Variants in DNAJC1 observed in about 807,000 individuals in gnomAD.
DNAJC1 encodes the protein dnaJ homolog subfamily C member 1.
Under a neutral mutation model 76.6 loss-of-function variants are expected in DNAJC1, and 58 were observed. That is an observed-to-expected ratio of 0.76 (90% CI 0.61 to 0.94). DNAJC1 has a LOEUF of 0.94. DNAJC1 is among the 40% of genes least tolerant of loss of function. DNAJC1 has a pLI of 0.00. For missense variants in DNAJC1, 689 were observed against 677.3 expected (o/e 1.02, Z -0.19); for synonymous variants, 258 against 267.9 (o/e 0.96, Z 0.36).
At chr10:21,849,426 A>G in intron 8 of DNAJC1, among the ~76,000 whole-genome samples, 1 of 151,904 alleles carries the variant, frequency 6.6e-6, no homozygotes, top group Admixed American at 6.6e-5. Flanking sequence ...AAAGGAAGGA[A>G]ATAATAAAAA....
At chr10:21,845,188 C>T (rs1201427510) in intron 8 of DNAJC1, among the ~76,000 whole-genome samples, 1 of 151,858 alleles carries the variant, frequency 6.6e-6, no homozygotes, top group Non-Finnish European at 1.5e-5. Flanking sequence ...TCAAGTAGCA[C>T]TAGTGACAAG....
intron 1 of DNAJC1, among the ~76,000 whole-genome samples, chr10:21,988,867 T>C (rs1156831756): frequency 6.6e-6 from 1 of 152,202 alleles, no homozygotes; most frequent in Non-Finnish European, 1.5e-5. Flanking sequence ...GCACCTAAGA[T>C]TCAATATCTC....
chr10:21,856,878 G>A (rs1343951171), intron 8 of DNAJC1, among the ~76,000 whole-genome samples: 1 of 151,960 alleles, frequency 6.6e-6, no homozygotes, highest in Non-Finnish European at 1.5e-5. Flanking sequence ...TGGGACCACA[G>A]GTGCGCACCA....
intron 1 of DNAJC1, among the ~76,000 whole-genome samples, chr10:21,946,049 C>CTTTTTTT (rs71510915): frequency 5.1e-4 from 48 of 93,308 alleles, no homozygotes; most frequent in East Asian, 9.7e-4. Context: ...TTCTTTTCCT[C>CTTTTTTT]TTTTTTTTTT....
intron 8 of DNAJC1, among the ~76,000 whole-genome samples, chr10:21,879,756 T>G (rs920558391): frequency 4.6e-5 from 7 of 152,250 alleles, no homozygotes; most frequent in African/African-American, 1.7e-4. Context: ...CTAAAACGTA[T>G]TAATAACCAT....
intron 1 of DNAJC1, among the ~76,000 whole-genome samples, chr10:21,975,118 T>C (rs1838041571): frequency 1.3e-5 from 2 of 152,144 alleles, no homozygotes; most frequent in African/African-American, 4.8e-5. Context: ...TTCAGCATTA[T>C]ATATGTAATG....
rs773995108 is a variant in DNAJC1 at position 21,935,318 on chromosome 10, ACTAG to A, written c.223-6181_223-6178del. Among the ~76,000 whole-genome samples the A allele has an allele frequency of 2.6e-5, 4 of 152,284 alleles. No homozygotes were observed. In the East Asian group the frequency reaches 7.7e-4, roughly 29 times the overall value. The stretch of plus-strand genomic sequence containing the variant: ...TAAAAAAACAAAACAGAAATTCTGG[ACTAG>A]CAAAATACATAACTGAAATGAAAAT... On this transcript the variant is annotated intron_variant, in intron 1 of 11. Coordinates refer to ENST00000376980, the MANE Select transcript of DNAJC1 (RefSeq NM_022365.4).
intron 8 of DNAJC1, among the ~76,000 whole-genome samples, chr10:21,842,359 G>T (rs1835588540): frequency 1.3e-5 from 2 of 152,124 alleles, no homozygotes; most frequent in African/African-American, 4.8e-5. Context: ...GGACTAGGAT[G>T]GTAGCACTGA....
Position 21,759,243 on chromosome 10 carries a change from G to T in DNAJC1, c.1523C>A (p.Ala508Glu). The T allele has an allele frequency of 1.2e-6, 2 of 1,614,192 alleles. No individual in the cohort carries two copies. Among genetic ancestry groups the T allele is most frequent in the Non-Finnish European group, 1.7e-6 (2 of 1,180,036 alleles). ...TQNQQKLLEL[A>E]LQQYPRGSSD... ...GGATCCCCTTGGGTACTGCTGCAACGCCAGTTCCAGAAGTTTCTGTTGATT... is the reference window on the plus strand; with the variant it reads ...GGATCCCCTTGGGTACTGCTGCAACTCCAGTTCCAGAAGTTTCTGTTGATT... The change falls in exon 11 of 12, where the codon GCG (alanine) becomes GAG (glutamate). Residue 508 changes from alanine to glutamate, a missense_variant. Physicochemically the swap from Ala to Glu is moderately radical, Grantham distance 107. Coordinates refer to ENST00000376980, the MANE Select transcript of DNAJC1 (RefSeq NM_022365.4).
chr10:22,003,668 G>C lies in DNAJC1; in HGVS notation c.-234C>G. ...GCCGCAGCCAGCGCTACGTTCCGAA[G>C]ACCCTCGCCCCCAGGCCTACACACA... On this transcript the variant is annotated 5_prime_UTR_variant, in exon 1 of 12. Coordinates refer to ENST00000376980, the MANE Select transcript of DNAJC1 (RefSeq NM_022365.4). 4.7e-6 allele frequency: 2 copies of C among 422,820 alleles called. No individual in the cohort carries two copies. The highest frequency in any genetic ancestry group is 8.0e-6 in the Non-Finnish European group (2 of 250,816). The allele number at this position is 422,820 out of a possible 1,614,324, so 26.2% of individuals were successfully genotyped here. A position where few individuals can be genotyped will look rare whatever the true frequency, so the allele number is the denominator to read the frequency against.
intron 1 of DNAJC1, among the ~76,000 whole-genome samples, chr10:21,982,092 A>G (rs1590078531): frequency 6.6e-6 from 1 of 152,094 alleles, no homozygotes; most frequent in African/African-American, 2.4e-5. Flanking sequence ...TTGGCTATAA[A>G]TCTCCACTTT....
chr10:21,832,967 A>C (rs562673685), intron 8 of DNAJC1, among the ~76,000 whole-genome samples: 22 of 152,274 alleles, frequency 1.4e-4, no homozygotes, highest in African/African-American at 5.3e-4. Flanking sequence ...CTGTCTCAAG[A>C]GTGATTTATT....
intron 8 of DNAJC1, among the ~76,000 whole-genome samples, chr10:21,837,731 G>A (rs1336319679): frequency 2.0e-5 from 3 of 151,434 alleles, no homozygotes; most frequent in African/African-American, 7.3e-5. Context: ...CCCCGTCCGG[G>A]AAGTGAGGAG....
chr10:21,804,572 C>T (rs1834859974), intron 9 of DNAJC1, among the ~76,000 whole-genome samples: 1 of 150,568 alleles, frequency 6.6e-6, no homozygotes, highest in South Asian at 2.1e-4. Flanking sequence ...TAAAACACAC[C>T]ATCCAGTAAC....
intron 9 of DNAJC1, among the ~76,000 whole-genome samples, chr10:21,788,262 C>T (rs1834637215): frequency 6.6e-6 from 1 of 152,224 alleles, no homozygotes; most frequent in Admixed American, 6.5e-5. Context: ...GGAAAGAGGG[C>T]TTTGCTGGAG....
At chr10:21,973,790 G>A (rs1398091865) in intron 1 of DNAJC1, among the ~76,000 whole-genome samples, 1 of 151,976 alleles carries the variant, frequency 6.6e-6, no homozygotes. Context: ...ATCTGGAGAT[G>A]AAAGTTTCTC....
intron 8 of DNAJC1, among the ~76,000 whole-genome samples, chr10:21,840,084 T>C (rs1339897077): frequency 1.3e-5 from 2 of 152,146 alleles, no homozygotes; most frequent in Non-Finnish European, 2.9e-5. Flanking sequence ...ATAAATTAGG[T>C]ATTGATGGGA....
chr10:21,897,953 A>C (rs1336846628), intron 7 of DNAJC1, among the ~76,000 whole-genome samples: 3 of 152,234 alleles, frequency 2.0e-5, no homozygotes, highest in Middle Eastern at 3.2e-3. Context: ...AGATGACATA[A>C]CTGTCTACAC....
intron 6 of DNAJC1, among the ~76,000 whole-genome samples, chr10:21,918,305 CCT>C (rs1423839675): frequency 6.6e-6 from 1 of 151,144 alleles, no homozygotes; most frequent in Non-Finnish European, 1.5e-5. Context: ...TGTCCTCACT[CCT>C]CTTAAATTTG....
Sources: gnomAD v4.1 joint callset for allele counts (sites outside exome capture counted in the v4.1 genomes callset) on GRCh38, gnomAD v4.1.1 for gene constraint, MANE v1.5 for transcripts, NCBI Gene and HGNC (gene_info 2026-07-23, HGNC 2026-07-21) for gene names.